Variants in SMARCC1 observed in about 807,000 individuals in gnomAD.
SMARCC1 encodes the protein SWI/SNF related BAF chromatin remodeling complex subunit C1.
A neutral mutation model predicts 147.4 loss-of-function variants in SMARCC1; 43 were observed. That is an observed-to-expected ratio of 0.29 (90% CI 0.23 to 0.38). SMARCC1 has a LOEUF of 0.38. SMARCC1 is among the 10% of genes least tolerant of loss of function. SMARCC1 has a pLI of 1.00. For synonymous variants in SMARCC1, 495 were observed against 484.4 expected (o/e 1.02, Z -0.29); for missense variants, 1,119 against 1,381.1 (o/e 0.81, Z 3.01).
In SMARCC1 at chr3:47,626,914, CCT is replaced by C. The variant is rs2032819087; in HGVS notation, c.2647-4575_2647-4574del. On this transcript the variant is annotated intron_variant, in intron 24 of 27. Transcript: ENST00000254480. Reference sequence around the variant, plus strand: ...GGAGTGGAAAAAAACCTCAGTTACCCCTGTCAAGGACTAGGATTCTAATGAAG... The same window carrying C: ...GGAGTGGAAAAAAACCTCAGTTACCCGTCAAGGACTAGGATTCTAATGAAG... Among the ~76,000 whole-genome samples the C allele has an allele frequency of 2.0e-5, 3 of 152,108 alleles. No homozygotes were observed. In the South Asian group the frequency reaches 6.2e-4, roughly 32 times the overall value.
At chr3:47,684,167 G>A (rs1297815913) in intron 14 of SMARCC1, among the ~76,000 whole-genome samples, 1 of 150,708 alleles carries the variant, frequency 6.6e-6, no homozygotes, top group African/African-American at 2.4e-5. Context: ...GTGAACCCGG[G>A]AGGCGGAGCT....
chr3:47,600,897 A>G (rs534491366), intron 26 of SMARCC1, among the ~76,000 whole-genome samples: 1 of 152,158 alleles, frequency 6.6e-6, no homozygotes, highest in African/African-American at 2.4e-5. Flanking sequence ...TCTGAAATGC[A>G]TAGGAACAGG....
Position 47,726,061 on chromosome 3 carries a change from C to CAAAAAAAAAA in SMARCC1, c.646+2954_646+2963dup, listed in dbSNP as rs546659321. On this transcript the variant is annotated intron_variant, in intron 6 of 27. Transcript: ENST00000254480. ...TGGGTAGAAGAGTGAGACTCTGTCT[C>CAAAAAAAAAA]AAAAAAAAAAAAAAAAAAAAGGTGA... Among the ~76,000 whole-genome samples, 181 of 50,778 alleles carry CAAAAAAAAAA rather than the reference C, an allele frequency of 3.6e-3. 28 individuals carry two copies. Among genetic ancestry groups the CAAAAAAAAAA allele is most frequent in the African/African-American group, 0.013 (165 of 12,950 alleles). 33.3% of individuals were successfully genotyped at this position (50,778 alleles called of 152,430 possible).
intron 5 of SMARCC1, among the ~76,000 whole-genome samples, chr3:47,730,943 C>G (rs189167640): frequency 9.6e-4 from 146 of 151,856 alleles, no homozygotes; most frequent in Admixed American, 2.1e-3. Flanking sequence ...GACACTGCCT[C>G]AATGATGCTG....
chr3:47,757,783 C>CAAAA (rs60788109), intron 2 of SMARCC1, among the ~76,000 whole-genome samples: 9 of 106,398 alleles, frequency 8.5e-5, no homozygotes, highest in Admixed American at 1.1e-4. Flanking sequence ...GGCTCCGTAT[C>CAAAA]AAAAAAAAAA....
intron 2 of SMARCC1, among the ~76,000 whole-genome samples, chr3:47,756,172 T>C (rs1159071136): frequency 7.0e-6 from 1 of 143,550 alleles, no homozygotes; most frequent in African/African-American, 2.6e-5. Context: ...ATACTGCATC[T>C]CAAAATAAAT....
At chr3:47,762,795 A>G (rs1478301663) in intron 2 of SMARCC1, among the ~76,000 whole-genome samples, 1 of 152,028 alleles carries the variant, frequency 6.6e-6, no homozygotes, top group African/African-American at 2.4e-5. Flanking sequence ...GGCTGGGTGC[A>G]GTAGCTCACG....
chr3:47,760,383 C>T (rs1385475977), intron 2 of SMARCC1, among the ~76,000 whole-genome samples: 1 of 152,082 alleles, frequency 6.6e-6, no homozygotes, highest in Non-Finnish European at 1.5e-5. Context: ...AAGTCATGGG[C>T]CAGAGGGAGT....
At chr3:47,701,044 T>A (rs2033910907) in intron 11 of SMARCC1, among the ~76,000 whole-genome samples, 1 of 152,190 alleles carries the variant, frequency 6.6e-6, no homozygotes, top group African/African-American at 2.4e-5. Context: ...ACCATTAATT[T>A]TAAAACATTA....
At chr3:47,743,893 A>G (rs961508514) in intron 3 of SMARCC1, among the ~76,000 whole-genome samples, 2 of 152,146 alleles carry the variant, frequency 1.3e-5, no homozygotes, top group African/African-American at 2.4e-5. Flanking sequence ...AGGAAAAATC[A>G]TATCACTTTG....
At chr3:47,671,196 A>AC (rs1553681998) in intron 18 of SMARCC1, among the ~76,000 whole-genome samples, 9 of 81,206 alleles carry the variant, frequency 1.1e-4, no homozygotes, top group African/African-American at 2.0e-4. Context: ...AAAAAAAAAA[A>AC]AACACACACA....
chr3:47,639,782 G>A (rs1247281900), intron 21 of SMARCC1, among the ~76,000 whole-genome samples: 2 of 151,814 alleles, frequency 1.3e-5, no homozygotes, highest in Non-Finnish European at 2.9e-5. Flanking sequence ...ACTGAGAGTG[G>A]CAGGGAAGAA....
chr3:47,659,253 T>C (rs1226309957), intron 21 of SMARCC1, among the ~76,000 whole-genome samples: 1 of 147,046 alleles, frequency 6.8e-6, no homozygotes, highest in Admixed American at 6.8e-5. Flanking sequence ...CTCAAACTTT[T>C]CTAAAAATAA....
At chr3:47,616,838 A>C (rs2032652163) in intron 25 of SMARCC1, among the ~76,000 whole-genome samples, 1 of 152,310 alleles carries the variant, frequency 6.6e-6, no homozygotes, top group African/African-American at 2.4e-5. Context: ...AAAAAGCTTT[A>C]TATTTGATTT....
At chr3:47,759,632 A>G (rs1240352545) in intron 2 of SMARCC1, among the ~76,000 whole-genome samples, 7 of 148,836 alleles carry the variant, frequency 4.7e-5, no homozygotes, top group Non-Finnish European at 1.0e-4. Context: ...AAAAAAAAAA[A>G]AAAAGAAAAA....
chr3:47,713,242 C>G (rs925974783), intron 8 of SMARCC1, among the ~76,000 whole-genome samples: 11 of 151,718 alleles, frequency 7.3e-5, no homozygotes, highest in African/African-American at 2.7e-4. Context: ...GGTGTGAACC[C>G]GGGAGGTGGA....
In SMARCC1 at chr3:47,712,240, ATAAC is replaced by A. The variant is rs954827440; in HGVS notation, c.793-1436_793-1433del. ...AGAATGAAGTTCCGTCTCAAAATAA[ATAAC>A]TAACTAACTAACTAAATAAATAAAT... On this transcript the variant is annotated intron_variant, in intron 8 of 27. Transcript: ENST00000254480. Among the ~76,000 whole-genome samples the A allele has an allele frequency of 1.7e-4, 26 of 152,248 alleles. No individual in the cohort carries two copies. In the East Asian group the frequency reaches 2.3e-3, roughly 14 times the overall value.
intron 2 of SMARCC1, among the ~76,000 whole-genome samples, chr3:47,751,652 A>G (rs2034630887): frequency 6.6e-6 from 1 of 152,086 alleles, no homozygotes; most frequent in Non-Finnish European, 1.5e-5. Context: ...AGACCTCTTG[A>G]GCCCAGGAGT....
Position 47,640,986 on chromosome 3 carries a change from C to T in SMARCC1, c.2321-2206G>A, listed in dbSNP as rs141430198. On this transcript the variant is annotated intron_variant, in intron 21 of 27. Coordinates refer to ENST00000254480, the MANE Select transcript of SMARCC1 (RefSeq NM_003074.4). ...GTATCTGACAAAACTCAGTACTGTC[C>T]ATTATAAGCTCCTGGAAAATCAAGG... Among the ~76,000 whole-genome samples the T allele has an allele frequency of 7.1e-4, 108 of 152,228 alleles. 1 individual carries two copies. The highest frequency in any genetic ancestry group is 2.5e-3 in the African/African-American group (104 of 41,536).
Sources: gnomAD v4.1 joint callset for allele counts (sites outside exome capture counted in the v4.1 genomes callset) on GRCh38, gnomAD v4.1.1 for gene constraint, MANE v1.5 for transcripts, NCBI Gene and HGNC (gene_info 2026-07-23, HGNC 2026-07-21) for gene names.